AGAP2: variants seen among roughly 807,000 people sequenced by gnomAD.
The protein encoded by AGAP2 is ArfGAP with GTPase domain, ankyrin repeat and PH domain 2.
A neutral mutation model predicts 110.9 loss-of-function variants in AGAP2; 32 were observed. The ratio of observed to expected loss-of-function variants is 0.29; its 90% CI spans 0.22 to 0.39. The LOEUF (loss-of-function observed/expected upper bound fraction) is 0.39, where lower values mean the gene tolerates loss of function less well. AGAP2 is among the 10% of genes least tolerant of loss of function. The pLI is 1.00. For synonymous variants in AGAP2, 702 were observed against 713.0 expected (o/e 0.98, Z 0.25); for missense variants, 1,285 against 1,638.5 (o/e 0.78, Z 3.72).
chr12:57,735,042 A>G (rs1358611983), intron 2 of AGAP2, among the ~76,000 whole-genome samples: 1 of 151,580 alleles, frequency 6.6e-6, no homozygotes, highest in African/African-American at 2.4e-5. Flanking sequence ...TCACAGCTCT[A>G]GGCACTAGTT....
chr12:57,738,360 G>GC lies in AGAP2; in HGVS notation c.-115dup. ...GCCCCCAGCCCCCGGACCCCGCTGA[G>GC]CCCCCGGCCCGGCTCCGCTGTCGCC... On this transcript the variant is annotated 5_prime_UTR_variant, in exon 1 of 19. Transcript: ENST00000547588. The surrounding 1 kb of genome is among the most constrained non-coding windows in gnomAD (Gnocchi z 6.7). 1 of 1,234,300 alleles carries GC rather than the reference G, an allele frequency of 8.1e-7. No individual in the cohort carries two copies. The highest frequency in any genetic ancestry group is 1.6e-5 in the African/African-American group (1 of 62,878). 76.5% of individuals were successfully genotyped at this position (1,234,300 alleles called of 1,614,324 possible).
rs1197341777 is a variant in AGAP2, at chr12:57,727,016, C to A, written c.3294G>T (p.Ala1098=). ...DPQLRSPLHL[A]AELAHVVITQ... is the part of the protein sequence containing the mutation. Reference sequence around the variant, plus strand: ...TGATGACGACGTGGGCGAGCTCGGCCGCCAGGTGGAGTGGGGAGCGCAGCT... The same window carrying A: ...TGATGACGACGTGGGCGAGCTCGGCAGCCAGGTGGAGTGGGGAGCGCAGCT... The change falls in exon 18 of 19, where the codon GCG becomes GCT. Residue 1098 remains alanine, a synonymous_variant. Coordinates refer to ENST00000547588, the MANE Select transcript of AGAP2 (RefSeq NM_001122772.3). The A allele has an allele frequency of 1.2e-6, 2 of 1,607,430 alleles. No homozygotes were observed. The highest frequency in any genetic ancestry group is 3.4e-5 in the Admixed American group (2 of 59,584).
At chr12:57,740,362 C>A (rs913797976), upstream of AGAP2, among the ~76,000 whole-genome samples, 2 of 152,130 alleles carry the variant, frequency 1.3e-5, no homozygotes, top group African/African-American at 4.8e-5. Flanking sequence ...GGACAGGAGA[C>A]CCTTCAGTAG....
chr12:57,738,097 C>T lies in AGAP2; in HGVS notation c.150G>A (p.Gly50=), dbSNP rs1408207101. The T allele has an allele frequency of 1.3e-6, 2 of 1,524,362 alleles. No individual in the cohort carries two copies. The highest frequency in any genetic ancestry group is 1.2e-5 in the South Asian group (1 of 83,546). 94.4% of individuals were successfully genotyped at this position (1,524,362 alleles called of 1,614,324 possible). The change falls in exon 1 of 19, where the codon GGG becomes GGA. Residue 50 remains glycine (G), a synonymous_variant. Transcript: ENST00000547588. This position sits in a 1 kb window ranked among gnomAD's most constrained non-coding sequence, Gnocchi z 6.7. ...GAAGARGSET[G]DPGSPRGAEE... is the part of the protein sequence containing the mutation. ...CCGCGCCTCGGGGGCTGCCAGGATC[C>T]CCAGTCTCGGAGCCTCTGGCACCGG...
At chr12:57,735,519 A>ACCC in intron 1 of AGAP2, 92 bp from the exon 2 acceptor site, 17 of 1,046,702 alleles carry the variant, frequency 1.6e-5, no homozygotes, top group South Asian at 6.0e-5. Flanking sequence ...CAGCTTTCCA[A>ACCC]CCCCCCCCCA....
chr12:57,734,428 T>C, intron 3 of AGAP2, 24 bp from the exon 4 acceptor site: 2 of 1,613,058 alleles, frequency 1.2e-6, no homozygotes, highest in Non-Finnish European at 8.5e-7. Flanking sequence ...TTGGAAGGGG[T>C]AACAGGTCAG....
chr12:57,736,034 G>A (rs1954974715), intron 1 of AGAP2, among the ~76,000 whole-genome samples: 1 of 152,218 alleles, frequency 6.6e-6, no homozygotes, highest in African/African-American at 2.4e-5. Context: ...GAACTGTGGG[G>A]AAGGGCTCCA....
intron 12 of AGAP2, 118 bp downstream of exon 12, chr12:57,730,377 G>T (rs1050120841): frequency 3.0e-6 from 4 of 1,328,228 alleles, no homozygotes; most frequent in South Asian, 2.5e-5. Context: ...CATGTGTGGG[G>T]CTCCATGTGT....
In AGAP2 at chr12:57,737,310, G is replaced by A; in HGVS notation, c.937C>T (p.Pro313Ser). 6.2e-7 allele frequency: 1 copy of A among 1,613,800 alleles called. No individual in the cohort carries two copies. Among genetic ancestry groups the A allele is most frequent in the South Asian group, 1.1e-5 (1 of 91,082 alleles). The change falls in exon 1 of 19, where the codon CCC (proline) becomes TCC (serine). Residue 313 changes from proline (P) to serine (S), a missense_variant. Pro to Ser is a moderately conservative substitution (Grantham distance 74). Coordinates refer to ENST00000547588, the MANE Select transcript of AGAP2 (RefSeq NM_001122772.3). The surrounding 1 kb of genome is among the most constrained non-coding windows in gnomAD (Gnocchi z 5.9). ...TAVTAASAQP[P>S]GPAPPITLEP... ...AGAGTGATTGGAGGTGCAGGCCCGG[G>A]GGGCTGCGCGGAAGCAGCGGTGACA...
At chr12:57,742,145 C>A, upstream of AGAP2, 1 of 1,536,618 alleles carries the variant, frequency 6.5e-7, no homozygotes, top group South Asian at 1.2e-5. Flanking sequence ...GCCCCCAAAC[C>A]TCAGAAGGCC....
At chr12:57,727,794 CACTG>C in intron 15 of AGAP2, 23 bp from the exon 16 acceptor site, 2 of 1,574,556 alleles carry the variant, frequency 1.3e-6, no homozygotes, top group Non-Finnish European at 1.7e-6. Context: ...TTTGGGTTGG[CACTG>C]ACTCTGCCTC....
Position 57,730,921 on chromosome 12 carries a change from C to T in AGAP2, c.2178G>A (p.Met726Ile), listed in dbSNP as rs1203793219. 3 of 1,580,170 alleles carry T rather than the reference C, an allele frequency of 1.9e-6. No individual in the cohort carries two copies. Among genetic ancestry groups the T allele is most frequent in the Non-Finnish European group, 2.6e-6 (3 of 1,163,548 alleles). ...CTTTGACTGTTGTTCGCAGCAAGTC[C>T]ATCTCCTTGCCGTGGGTACTGTGGA... ...DYIHSTHGKE[M>I]DLLRTTVKVP... The change falls in exon 11 of 19, where the codon ATG becomes ATA. Residue 726 changes from methionine to isoleucine, a missense_variant. This residue lies in a region of AGAP2 where 24 missense variants were observed against 69.5 expected (regional missense o/e 0.35). Transcript: ENST00000547588.
chr12:57,734,403 A>G lies in AGAP2; in HGVS notation c.1317T>C (p.Ser439=). 6.2e-7 allele frequency: 1 copy of G among 1,614,106 alleles called. No individual in the cohort carries two copies. Among genetic ancestry groups the G allele is most frequent in the Non-Finnish European group, 8.5e-7 (1 of 1,180,006 alleles). ...CCAACATTTCTTTCTTGTACTGCTCACCTGTCCAGAAGAGTTGGAAGGGGT... is the reference window on the plus strand; with the variant it reads ...CCAACATTTCTTTCTTGTACTGCTCGCCTGTCCAGAAGAGTTGGAAGGGGT... ...GSYQVLEKTE[S]EQYKKEMLVD... is the part of the protein sequence containing the mutation. The change falls in exon 4 of 19, where the codon AGT becomes AGC. Residue 439 remains serine, a splice_region_variant and synonymous_variant. Transcript: ENST00000547588.
Position 57,726,912 on chromosome 12 carries a change from G to A in AGAP2, c.3336+62C>T. 1 of 1,491,654 alleles carries A rather than the reference G, an allele frequency of 6.7e-7. No homozygotes were observed. Among genetic ancestry groups the A allele is most frequent in the South Asian group, 1.3e-5 (1 of 74,252 alleles). 92.4% of individuals were successfully genotyped at this position (1,491,654 alleles called of 1,614,324 possible). On this transcript the variant is annotated intron_variant, in intron 18 of 18. Transcript: ENST00000547588. This position sits in a 1 kb window ranked among gnomAD's most constrained non-coding sequence, Gnocchi z 5.7. ...CCCTCTGGGAATTTCGGGCTTTCCCGCGCCAGGCGTTTTCCGAGATGAAGC... is the reference window on the plus strand; with the variant it reads ...CCCTCTGGGAATTTCGGGCTTTCCCACGCCAGGCGTTTTCCGAGATGAAGC...
chr12:57,726,728 C>G lies in AGAP2; in HGVS notation c.3403G>C (p.Gly1135Arg). Reference protein sequence around the residue: ...RTALFYARQAGSQLCADILLQ... With the variant: ...RTALFYARQARSQLCADILLQ... ...AGGATGTCGGCGCACAGCTGGCTTC[C>G]AGCCTGGCGGGCGTAGAACAGCGCC... The change falls in exon 19 of 19, where the codon GGA becomes CGA. Residue 1135 changes from glycine (G) to arginine (R), a missense_variant. Gly to Arg is a moderately radical substitution (Grantham distance 125). This residue lies in a region of AGAP2 where 201 missense variants were observed against 276.1 expected (regional missense o/e 0.73). Transcript: ENST00000547588. The surrounding 1 kb of genome is among the most constrained non-coding windows in gnomAD (Gnocchi z 5.7). 4 of 1,270,200 alleles carry G rather than the reference C, an allele frequency of 3.1e-6. No individual in the cohort carries two copies. Among genetic ancestry groups the G allele is most frequent in the Non-Finnish European group, 4.0e-6 (4 of 1,008,612 alleles). 78.7% of individuals were successfully genotyped at this position (1,270,200 alleles called of 1,614,324 possible).
intron 1 of AGAP2, among the ~76,000 whole-genome samples, chr12:57,735,714 G>T (rs1342001353): frequency 6.6e-6 from 1 of 152,184 alleles, no homozygotes; most frequent in Non-Finnish European, 1.5e-5. Context: ...GCGGGTCCTG[G>T]CCCCAGACAG....
chr12:57,731,468 G>A lies in AGAP2; in HGVS notation c.2043C>T (p.Ser681=), dbSNP rs930483671. Reference sequence around the variant, plus strand: ...AATTGCCACTTCGTTTTAGTAGGAAGCTCTGGAGAAAGGGGAAAGACACAT... The same window carrying A: ...AATTGCCACTTCGTTTTAGTAGGAAACTCTGGAGAAAGGGGAAAGACACAT... ...GSGRAIPIKQ[S]FLLKRSGNSL... Residue 681 remains serine (S), a splice_region_variant and synonymous_variant, in exon 10 of 19, where the codon AGC becomes AGT. Transcript: ENST00000547588. The A allele has an allele frequency of 3.1e-6, 5 of 1,614,002 alleles. No individual in the cohort carries two copies. The highest frequency in any genetic ancestry group is 4.2e-6 in the Non-Finnish European group (5 of 1,179,996).
In AGAP2 at chr12:57,726,960, C is replaced by T. The variant is rs1047531571; in HGVS notation, c.3336+14G>A. Reference sequence around the variant, plus strand: ...AGCCTCAAAGACCCCCTTTCCTCCCCCCAGCTCACGTACCCACAGCAGCAG... The same window carrying T: ...AGCCTCAAAGACCCCCTTTCCTCCCTCCAGCTCACGTACCCACAGCAGCAG... On this transcript the variant is annotated intron_variant, in intron 18 of 18. Coordinates refer to ENST00000547588, the MANE Select transcript of AGAP2 (RefSeq NM_001122772.3). This position sits in a 1 kb window ranked among gnomAD's most constrained non-coding sequence, Gnocchi z 5.7. 1.9e-5 allele frequency: 29 copies of T among 1,539,762 alleles called. No homozygotes were observed. Among genetic ancestry groups the T allele is most frequent in the Non-Finnish European group, 2.4e-5 (27 of 1,145,304 alleles).
At chr12:57,741,946 C>G (rs1413930300), upstream of AGAP2, 2 of 1,614,162 alleles carry the variant, frequency 1.2e-6, no homozygotes, top group Non-Finnish European at 1.7e-6. Context: ...GGATGCTGTC[C>G]TGGAGTTCGG....
Sources: allele counts gnomAD v4.1 joint callset (sites outside exome capture counted in the v4.1 genomes callset), GRCh38; gene constraint gnomAD v4.1.1; regional missense constraint gnomAD v4.1.1; non-coding constraint Gnocchi (gnomAD v3.1); transcripts MANE v1.5; gene names NCBI Gene and HGNC (gene_info 2026-07-23, HGNC 2026-07-21).